RFX2: variants seen among roughly 807,000 people sequenced by gnomAD.
RFX2 encodes the protein regulatory factor X2.
Under a neutral mutation model 87.8 loss-of-function variants are expected in RFX2, and 20 were observed. The observed-to-expected ratio is 0.23, with a 90% CI of 0.16 to 0.33. The LOEUF (loss-of-function observed/expected upper bound fraction) is 0.33, where lower values mean the gene tolerates loss of function less well. Ranked by LOEUF, RFX2 falls within the 10% of genes least tolerant of loss-of-function variation. RFX2 has a pLI of 1.00. For synonymous variants in RFX2, 397 were observed against 431.3 expected (o/e 0.92, Z 0.98); for missense variants, 767 against 1,012.3 (o/e 0.76, Z 3.29).
chr19:6,056,000 A>C (rs957333309), intron 1 of RFX2, among the ~76,000 whole-genome samples: 1 of 152,172 alleles, frequency 6.6e-6, no homozygotes, highest in Non-Finnish European at 1.5e-5. Context: ...AAAGTTAAAA[A>C]AAAATCATAA....
At chr19:6,067,789 C>T (rs563233275) in intron 1 of RFX2, among the ~76,000 whole-genome samples, 21 of 152,200 alleles carry the variant, frequency 1.4e-4, no homozygotes, top group African/African-American at 4.8e-4. Context: ...GCTGCAGCCT[C>T]GATGGGTCAA....
rs1017498979 is a variant in RFX2, at chr19:6,074,207, T to G, written c.-8-26703A>C. 2.0e-5 allele frequency among the ~76,000 whole-genome samples: 3 copies of G among 151,588 alleles called. No individual in the cohort carries two copies. ...CGGGGTTTTGTAGCAGGGGTGGGGG[T>G]GCGGTACAGGAACAGATCTGGAGCT... On this transcript the variant is annotated intron_variant, in intron 1 of 17. Transcript: ENST00000303657. The surrounding 1 kb of genome is among the most constrained non-coding windows in gnomAD (Gnocchi z 5.2).
rs373242203 is a variant in RFX2 at position 6,107,070 on chromosome 19, C to T, written c.-9+3323G>A. Among the ~76,000 whole-genome samples, 31 of 146,762 alleles carry T rather than the reference C, an allele frequency of 2.1e-4. No homozygotes were observed. The East Asian group carries it at 4.6e-3, about 22-fold the overall frequency. On this transcript the variant is annotated intron_variant, in intron 1 of 17. Coordinates refer to ENST00000303657, the MANE Select transcript of RFX2 (RefSeq NM_000635.4). ...CAGCACTTTGGGAGGCCAAGGTGGGCGGATCACATGGTCAGGAGATCGAGA... is the reference window on the plus strand; with the variant it reads ...CAGCACTTTGGGAGGCCAAGGTGGGTGGATCACATGGTCAGGAGATCGAGA...
chr19:6,092,387 G>C (rs1337406401), intron 1 of RFX2, among the ~76,000 whole-genome samples: 2 of 152,152 alleles, frequency 1.3e-5, no homozygotes, highest in South Asian at 4.1e-4. Context: ...TGGCCCCGCA[G>C]GCTGCATGCT....
intron 1 of RFX2, chr19:6,072,190 G>C (rs988574969): frequency 6.6e-6 from 1 of 152,212 alleles, no homozygotes; most frequent in African/African-American, 2.4e-5. Flanking sequence ...TGATGAAACA[G>C]AACTCAAATC....
At position 6,047,584 on chromosome 19, in the gene RFX2, G is replaced by A. The variant is rs2087212167; in HGVS notation, c.-8-80C>T. 4 of 1,110,420 alleles carry A rather than the reference G, an allele frequency of 3.6e-6. No homozygotes were observed. The East Asian group carries it at 1.0e-4, about 29-fold the overall frequency. 68.8% of individuals were successfully genotyped at this position (1,110,420 alleles called of 1,614,324 possible). On this transcript the variant is annotated intron_variant, in intron 1 of 17. Transcript: ENST00000303657. This position sits in a 1 kb window ranked among gnomAD's most constrained non-coding sequence, Gnocchi z 4.2. ...GAAGAGGCAACTAACAAGTTCAAGG[G>A]AGGGAAGGAGTAACCAGCTACATTC...
Position 6,047,385 on chromosome 19 carries a change from G to T in RFX2, c.90+22C>A, listed in dbSNP as rs1314917066. The T allele has an allele frequency of 6.3e-7, 1 of 1,590,440 alleles. No individual in the cohort carries two copies. The highest frequency in any genetic ancestry group is 1.3e-5 in the African/African-American group (1 of 74,540). On this transcript the variant is annotated intron_variant, in intron 2 of 17. Coordinates refer to ENST00000303657, the MANE Select transcript of RFX2 (RefSeq NM_000635.4). This position sits in a 1 kb window ranked among gnomAD's most constrained non-coding sequence, Gnocchi z 4.2. ...GCGTCCACACTGTGGCCACCCTGTT[G>T]TTGCTGAGAGGCGCGCGTTACCTGC...
At chr19:5,996,280 G>A (rs1029772635) in intron 16 of RFX2, among the ~76,000 whole-genome samples, 1 of 152,256 alleles carries the variant, frequency 6.6e-6, no homozygotes, top group Non-Finnish European at 1.5e-5. Flanking sequence ...ACACGCCCAC[G>A]CAGCCCCGTT....
At chr19:6,073,273 C>T (rs930483613) in intron 1 of RFX2, 1 of 831,796 alleles carries the variant, frequency 1.2e-6, no homozygotes, top group South Asian at 1.3e-5. Flanking sequence ...AGCCACCGCG[C>T]CTGCAAGGGC....
intron 1 of RFX2, among the ~76,000 whole-genome samples, chr19:6,100,578 T>C (rs2088105374): frequency 6.6e-6 from 1 of 152,048 alleles, no homozygotes; most frequent in Admixed American, 6.6e-5. Context: ...CAGAGGCCAC[T>C]GGCACTAGAA....
chr19:6,015,326 G>A (rs955463575), intron 7 of RFX2, among the ~76,000 whole-genome samples: 1 of 152,016 alleles, frequency 6.6e-6, no homozygotes, highest in Non-Finnish European at 1.5e-5. Flanking sequence ...CTACTTGGGA[G>A]GCTGAGGCAG....
At chr19:6,034,342 C>T (rs1028168520) in intron 5 of RFX2, among the ~76,000 whole-genome samples, 30 of 151,780 alleles carry the variant, frequency 2.0e-4, no homozygotes, top group African/African-American at 7.0e-4. Context: ...GATTCTGCTG[C>T]CTCAGCCTCC....
intron 1 of RFX2, among the ~76,000 whole-genome samples, chr19:6,053,955 C>CAAAAA (rs553721219): frequency 1.5e-4 from 7 of 48,030 alleles, no homozygotes; most frequent in Admixed American, 2.2e-4. Flanking sequence ...GACTCTATCT[C>CAAAAA]AAAAAAAAAA....
intron 12 of RFX2, 40 bp downstream of exon 12, chr19:6,006,972 G>A: frequency 1.2e-6 from 2 of 1,604,312 alleles, no homozygotes; most frequent in Non-Finnish European, 1.7e-6. Flanking sequence ...GGCAGGAAGA[G>A]AGGATGGAGC....
rs755782825 is a variant in RFX2 at position 6,007,532 on chromosome 19, G to C, written c.1247+158C>G. 6.6e-6 allele frequency among the ~76,000 whole-genome samples: 1 copy of C among 152,200 alleles called. No homozygotes were observed. Among genetic ancestry groups the C allele is most frequent in the Non-Finnish European group, 1.5e-5 (1 of 68,038 alleles). ...GGGCGGATGGCAATGTGAATTTCAA[G>C]TCAACTCTACCAAGTCTAAAAATTA... On this transcript the variant is annotated intron_variant, in intron 11 of 17. Transcript: ENST00000303657. This position sits in a 1 kb window ranked among gnomAD's most constrained non-coding sequence, Gnocchi z 8.2.
rs553721219 is a variant in RFX2 at position 6,053,955 on chromosome 19, C to CAA, written c.-8-6453_-8-6452dup. ...TGGGTGACAGAGCAAGACTCTATCT[C>CAA]AAAAAAAAAAAAAAAAAAAAAGCAA... On this transcript the variant is annotated intron_variant, in intron 1 of 17. Transcript: ENST00000303657. Among the ~76,000 whole-genome samples, 130 of 47,708 alleles carry CAA rather than the reference C, an allele frequency of 2.7e-3. 2 individuals are homozygous for CAA. The highest frequency in any genetic ancestry group is 0.01 in the East Asian group (19 of 1,890). 31.3% of individuals were successfully genotyped at this position (47,708 alleles called of 152,430 possible).
intron 6 of RFX2, among the ~76,000 whole-genome samples, chr19:6,025,784 C>CTT (rs1217365706): frequency 5.2e-4 from 68 of 130,006 alleles, no homozygotes; most frequent in African/African-American, 1.3e-3. Flanking sequence ...TTGTCTTCTT[C>CTT]TTTTTTTTTT....
At position 5,993,837 on chromosome 19, in the gene RFX2, G is replaced by A. The variant is rs936012195; in HGVS notation, c.*998C>T. 1 of 152,220 alleles carries A rather than the reference G, an allele frequency of 6.6e-6. No homozygotes were observed. Among genetic ancestry groups the A allele is most frequent in the African/African-American group, 2.4e-5 (1 of 41,446 alleles). The allele number at this position is 152,220 out of a possible 1,614,324, so 9.4% of individuals were successfully genotyped here. A position where few individuals can be genotyped will look rare whatever the true frequency, so the allele number is the denominator to read the frequency against. ...CCAGGTGGGACTCGCTGGGGGTGGG[G>A]TGCTCCGGGATTAGTTCAGAGGGAG... On this transcript the variant is annotated 3_prime_UTR_variant, in exon 18 of 18. Coordinates refer to ENST00000303657, the MANE Select transcript of RFX2 (RefSeq NM_000635.4).
rs1028730815 is a variant in RFX2 at position 5,998,570 on chromosome 19, T to A, written c.1860-1357A>T. On this transcript the variant is annotated intron_variant, in intron 15 of 17. Coordinates refer to ENST00000303657, the MANE Select transcript of RFX2 (RefSeq NM_000635.4). This position sits in a 1 kb window ranked among gnomAD's most constrained non-coding sequence, Gnocchi z 4.2. Reference sequence around the variant, plus strand: ...GCTGTCTATCCTTAAGTGTCAAGCATAGCTGCAAAGCCCCCAGCCCCCTCC... The same window carrying A: ...GCTGTCTATCCTTAAGTGTCAAGCAAAGCTGCAAAGCCCCCAGCCCCCTCC... Among the ~76,000 whole-genome samples, 7 of 152,224 alleles carry A rather than the reference T, an allele frequency of 4.6e-5. No individual in the cohort carries two copies. The highest frequency in any genetic ancestry group is 1.7e-4 in the African/African-American group (7 of 41,468).
Sources: gnomAD v4.1 joint callset for allele counts (sites outside exome capture counted in the v4.1 genomes callset) on GRCh38, gnomAD v4.1.1 for gene constraint, Gnocchi (gnomAD v3.1) non-coding constraint, MANE v1.5 for transcripts, NCBI Gene and HGNC (gene_info 2026-07-23, HGNC 2026-07-21) for gene names.